IFT43: variants seen among roughly 807,000 people sequenced by gnomAD.
IFT43 encodes intraflagellar transport protein 43 homolog.
Under a neutral mutation model 32.3 loss-of-function variants are expected in IFT43, and 33 were observed. The ratio of observed to expected loss-of-function variants is 1.02; its 90% confidence interval spans 0.77 to 1.37. The LOEUF is 1.37. Among genes scored for constraint, IFT43 ranks in the 40% most tolerant of loss-of-function variants. The pLI, the probability that IFT43 is intolerant of heterozygous loss-of-function variation, is 0.00. For synonymous variants in IFT43, 93 were observed against 98.2 expected (o/e 0.95, Z 0.31); for missense variants, 274 against 265.9 (o/e 1.03, Z -0.21).
chr14:76,018,694 T>A (rs1472044571), intron 2 of IFT43, among the ~76,000 whole-genome samples: 1 of 152,154 alleles, frequency 6.6e-6, no homozygotes, highest in Non-Finnish European at 1.5e-5. Context: ...TTAGATCTAA[T>A]AATATTTGCT....
chr14:76,059,712 A>G, intron 5 of IFT43: 2 of 376,440 alleles, frequency 5.3e-6, no homozygotes, highest in South Asian at 2.2e-5. Context: ...TTGTAATAAC[A>G]TGGCCAATAT....
intron 2 of IFT43, among the ~76,000 whole-genome samples, chr14:75,997,626 T>C (rs934191330): frequency 5.3e-5 from 8 of 152,234 alleles, no homozygotes; most frequent in African/African-American, 1.9e-4. Flanking sequence ...TATGTGAAAC[T>C]TTTCATGGGA....
intron 2 of IFT43, among the ~76,000 whole-genome samples, chr14:75,994,403 C>A (rs553948208): frequency 1.3e-5 from 2 of 152,190 alleles, no homozygotes; most frequent in African/African-American, 2.4e-5. Context: ...CATTTCAAAT[C>A]ACTTAACTGT....
At chr14:76,006,727 T>C (rs982719830) in intron 2 of IFT43, among the ~76,000 whole-genome samples, 1 of 152,164 alleles carries the variant, frequency 6.6e-6, no homozygotes, top group African/African-American at 2.4e-5. Flanking sequence ...AATTAAAAGC[T>C]GTTAAGCTGT....
chr14:76,073,154 G>A (rs2037351223), intron 5 of IFT43, among the ~76,000 whole-genome samples: 1 of 152,214 alleles, frequency 6.6e-6, no homozygotes, highest in Non-Finnish European at 1.5e-5. Context: ...AAAGATAGGT[G>A]GAGTTGTAGA....
chr14:75,989,344 T>A (rs1411743632), intron 2 of IFT43, among the ~76,000 whole-genome samples: 1 of 152,044 alleles, frequency 6.6e-6, no homozygotes, highest in African/African-American at 2.4e-5. Flanking sequence ...TGGACATTGC[T>A]CTCGGTGGTG....
intron 2 of IFT43, among the ~76,000 whole-genome samples, chr14:75,991,733 T>C (rs1345568564): frequency 6.6e-6 from 1 of 152,196 alleles, no homozygotes; most frequent in East Asian, 1.9e-4. Flanking sequence ...TTTTTAACTC[T>C]GTGCATTACC....
At chr14:76,073,420 G>C (rs1055489888) in intron 5 of IFT43, among the ~76,000 whole-genome samples, 2 of 152,190 alleles carry the variant, frequency 1.3e-5, no homozygotes, top group Non-Finnish European at 2.9e-5. Flanking sequence ...TTCTAAAGGA[G>C]GACTTGAGGC....
chr14:76,037,705 A>G (rs201018074), intron 3 of IFT43, among the ~76,000 whole-genome samples: 2 of 80,154 alleles, frequency 2.5e-5, no homozygotes, highest in African/African-American at 9.0e-5. Context: ...TTTTTTTTTT[A>G]ATTTTATTGA....
At chr14:76,036,597 G>A (rs545090620) in intron 3 of IFT43, among the ~76,000 whole-genome samples, 21 of 152,092 alleles carry the variant, frequency 1.4e-4, no homozygotes, top group African/African-American at 4.6e-4. Flanking sequence ...TAGAGACAAG[G>A]TTTTGCCATG....
intron 2 of IFT43, among the ~76,000 whole-genome samples, chr14:76,012,479 T>C (rs1453526739): frequency 1.3e-5 from 2 of 152,204 alleles, no homozygotes; most frequent in African/African-American, 4.8e-5. Flanking sequence ...AGAAAGCTGG[T>C]ATTTCAGGAC....
At chr14:76,053,132 A>C (rs749926620) in intron 3 of IFT43, among the ~76,000 whole-genome samples, 1 of 152,190 alleles carries the variant, frequency 6.6e-6, no homozygotes, top group Non-Finnish European at 1.5e-5. Context: ...CTGAAATAAG[A>C]TAATGTATAC....
At chr14:76,008,955 G>A (rs2139917910) in intron 2 of IFT43, among the ~76,000 whole-genome samples, 1 of 152,298 alleles carries the variant, frequency 6.6e-6, no homozygotes, top group East Asian at 1.9e-4. Flanking sequence ...TGGACCTCCT[G>A]TCTTATTGAA....
chr14:76,027,092 G>A (rs2036411957), intron 3 of IFT43, among the ~76,000 whole-genome samples: 1 of 152,100 alleles, frequency 6.6e-6, no homozygotes, highest in Non-Finnish European at 1.5e-5. Context: ...AAGGTGGAGG[G>A]TGGGAGGTCG....
intron 3 of IFT43, among the ~76,000 whole-genome samples, chr14:76,029,373 A>G (rs1245241780): frequency 6.6e-6 from 1 of 152,164 alleles, no homozygotes; most frequent in Non-Finnish European, 1.5e-5. Context: ...CCTTTGTCAG[A>G]TGCATAGTTT....
intron 5 of IFT43, among the ~76,000 whole-genome samples, chr14:76,060,829 TCTTCCTTCCTTC>T (rs145202057): frequency 8.4e-5 from 11 of 130,356 alleles, no homozygotes; most frequent in South Asian, 5.6e-4. Flanking sequence ...TCCCTCCCTT[TCTTCCTTCCTTC>T]CTTCCTTCCT....
At chr14:75,987,326 C>T (rs2035548072) in intron 1 of IFT43, among the ~76,000 whole-genome samples, 1 of 152,176 alleles carries the variant, frequency 6.6e-6, no homozygotes. Context: ...TTGTTTCCAC[C>T]ATCCCTGAAA....
chr14:76,002,595 A>G (rs1003088878), intron 2 of IFT43, among the ~76,000 whole-genome samples: 4 of 152,232 alleles, frequency 2.6e-5, no homozygotes, highest in African/African-American at 9.6e-5. Context: ...TCATGTGAAC[A>G]CTAACTTGGC....
At chr14:76,074,244 C>T (rs992341958) in intron 5 of IFT43, among the ~76,000 whole-genome samples, 3 of 152,144 alleles carry the variant, frequency 2.0e-5, no homozygotes, top group African/African-American at 4.8e-5. Flanking sequence ...GATCACTCAT[C>T]TTGGGCCTTA....
Sources: gnomAD v4.1 joint callset for allele counts (sites outside exome capture counted in the v4.1 genomes callset) on GRCh38, gnomAD v4.1.1 for gene constraint, MANE v1.5 for transcripts, NCBI Gene and HGNC (gene_info 2026-07-23, HGNC 2026-07-21) for gene names.